The following RAB3IL1 variants were observed in gnomAD, a reference collection of about 807,000 sequenced individuals.
RAB3IL1 encodes guanine nucleotide exchange factor for Rab-3A.
Under a neutral mutation model 49.2 loss-of-function variants are expected in RAB3IL1, and 37 were observed. The observed-to-expected ratio is 0.75, with a 90% confidence interval of 0.58 to 0.99. RAB3IL1 has a LOEUF of 0.99. Among genes scored for constraint, RAB3IL1 ranks in the 50% least tolerant of loss-of-function variants. The pLI is 0.00. For synonymous variants in RAB3IL1, 193 were observed against 213.9 expected (o/e 0.90, Z 0.85); for missense variants, 484 against 513.0 (o/e 0.94, Z 0.55).
rs111459770 is a variant in RAB3IL1 at position 61,904,472 on chromosome 11, C to G, written c.899+74G>C. On this transcript the variant is annotated intron_variant, in intron 7 of 9. Coordinates refer to ENST00000394836, the MANE Select transcript of RAB3IL1 (RefSeq NM_013401.4). The stretch of plus-strand genomic sequence containing the variant: ...TCGGCGCTGCTGCATCCTGACCACC[C>G]CTCGGCACAGTAAACACACGGCTTG... The G allele has an allele frequency of 2.2e-5, 31 of 1,399,174 alleles. 1 individual carries two copies. The African/African-American group carries it at 2.3e-4, about 10-fold the overall frequency. 86.7% of individuals were successfully genotyped at this position (1,399,174 alleles called of 1,614,324 possible).
chr11:61,899,687 G>A (rs1029922979), intron 8 of RAB3IL1: 5 of 365,364 alleles, frequency 1.4e-5, no homozygotes, highest in African/African-American at 4.1e-5. Flanking sequence ...CATCCATCAC[G>A]GAGATGGCGG....
the RAB3IL1 span, among the ~76,000 whole-genome samples, chr11:61,945,134 T>A: frequency 3.3e-5 from 5 of 152,322 alleles, no homozygotes; most frequent in South Asian, 1.0e-3. Flanking sequence ...CCCATTGACC[T>A]GACAGATAGG....
chr11:61,905,371 G>A (rs960868633), intron 5 of RAB3IL1, among the ~76,000 whole-genome samples: 1 of 152,134 alleles, frequency 6.6e-6, no homozygotes, highest in African/African-American at 2.4e-5. Context: ...AAAGTGGGAG[G>A]CCCCTCTTTG....
In RAB3IL1 at chr11:61,906,641, A is replaced by G; in HGVS notation, c.482T>C (p.Val161Ala). 1 of 1,611,382 alleles carries G rather than the reference A, an allele frequency of 6.2e-7. No individual in the cohort carries two copies. The highest frequency in any genetic ancestry group is 8.5e-7 in the Non-Finnish European group (1 of 1,179,198). The change falls in exon 5 of 10, where the codon GTC becomes GCC. Residue 161 changes from valine to alanine, a missense_variant. Coordinates refer to ENST00000394836, the MANE Select transcript of RAB3IL1 (RefSeq NM_013401.4). The surrounding 1 kb of genome is among the most constrained non-coding windows in gnomAD (Gnocchi z 4.6). ...GGGAGAGGCTGGTGTGGACGTGATG[A>G]CCAGCGTCTTCAAGGCTGTCACCTC... Reference protein sequence around the residue: ...QAEVTALKTLVITSTPASPNR... With the variant: ...QAEVTALKTLAITSTPASPNR...
chr11:61,901,660 G>C (rs1938922137), intron 8 of RAB3IL1, among the ~76,000 whole-genome samples: 1 of 152,222 alleles, frequency 6.6e-6, no homozygotes, highest in Non-Finnish European at 1.5e-5. Context: ...CTGTGGCAGG[G>C]GACTGCGGGT....
In RAB3IL1 at chr11:61,906,372, G is replaced by T; in HGVS notation, c.657+94C>A. The T allele has an allele frequency of 8.6e-7, 1 of 1,168,704 alleles. No homozygotes were observed. Among genetic ancestry groups the T allele is most frequent in the Non-Finnish European group, 1.2e-6 (1 of 815,294 alleles). The allele number at this position is 1,168,704 out of a possible 1,614,324, so 72.4% of individuals were successfully genotyped here. On this transcript the variant is annotated intron_variant, in intron 5 of 9. Transcript: ENST00000394836. This position sits in a 1 kb window ranked among gnomAD's most constrained non-coding sequence, Gnocchi z 4.6. ...CGCAGGACAGGCTCCAGGTCACACA[G>T]CATGGGGCAGGCTGGTCCTCACTGG... is the stretch of plus-strand genomic sequence containing the variant.
In RAB3IL1 at chr11:61,906,480, T is replaced by C. The variant is rs1164845095; in HGVS notation, c.643A>G (p.Arg215Gly). Residue 215 changes from arginine (R) to glycine (G), a missense_variant, in exon 5 of 10, where the codon AGA becomes GGA. Coordinates refer to ENST00000394836, the MANE Select transcript of RAB3IL1 (RefSeq NM_013401.4). The surrounding 1 kb of genome is among the most constrained non-coding windows in gnomAD (Gnocchi z 4.6). Reference sequence around the variant, plus strand: ...CCCACCCTCACCTCCTTGCCCTCTCTGTCTGGGGTGAGGGTGTGTCCCGCA... The same window carrying C: ...CCCACCCTCACCTCCTTGCCCTCTCCGTCTGGGGTGAGGGTGTGTCCCGCA... ...PAAGHTLTPDREGKEVDTILF... is the reference protein window; with the variant it reads ...PAAGHTLTPDGEGKEVDTILF... 6.5e-7 allele frequency: 1 copy of C among 1,544,124 alleles called. No homozygotes were observed. Among genetic ancestry groups the C allele is most frequent in the Admixed American group, 2.0e-5 (1 of 51,016 alleles).
chr11:61,918,831 C>T (rs192549945), upstream of RAB3IL1, among the ~76,000 whole-genome samples: 1 of 152,230 alleles, frequency 6.6e-6, no homozygotes, highest in Non-Finnish European at 1.5e-5. Flanking sequence ...CCATAGCATC[C>T]CTTCCAACTT....
chr11:61,898,907 G>A lies in RAB3IL1; in HGVS notation c.1066+407C>T, dbSNP rs1026150999. 1.0e-5 allele frequency: 5 copies of A among 477,852 alleles called. 1 individual carries two copies. The highest frequency in any genetic ancestry group is 3.1e-5 in the South Asian group (2 of 64,748). 29.6% of individuals were successfully genotyped at this position (477,852 alleles called of 1,614,324 possible). A position where few individuals can be genotyped will look rare whatever the true frequency, so the allele number is the denominator to read the frequency against. ...AGCGAGCAAAGGTTGGTGGAGGAGCGGGGAGCCAGGCCTTGCAGAATGGGC... is the reference window on the plus strand; with the variant it reads ...AGCGAGCAAAGGTTGGTGGAGGAGCAGGGAGCCAGGCCTTGCAGAATGGGC... On this transcript the variant is annotated intron_variant, in intron 9 of 9. Transcript: ENST00000394836. This position sits in a 1 kb window ranked among gnomAD's most constrained non-coding sequence, Gnocchi z 5.1.
the RAB3IL1 span, among the ~76,000 whole-genome samples, chr11:61,942,793 C>T: frequency 6.9e-4 from 105 of 152,230 alleles, no homozygotes; most frequent in South Asian, 1.0e-3. Context: ...TAAGAGACTT[C>T]GGAATATTTT....
At chr11:61,921,627 C>G (rs1449932499), upstream of RAB3IL1, among the ~76,000 whole-genome samples, 1 of 152,200 alleles carries the variant, frequency 6.6e-6, no homozygotes, top group Non-Finnish European at 1.5e-5. Flanking sequence ...GTTGGACACT[C>G]CCACAAGAAC....
chr11:61,908,349 T>G, intron 1 of RAB3IL1, 43 bp from the exon 2 acceptor site: 1 of 1,411,386 alleles, frequency 7.1e-7, no homozygotes, highest in Non-Finnish European at 9.2e-7. Context: ...GGTGGGGTCC[T>G]GAGGCCTGGA....
At chr11:61,913,776 T>C (rs1939564083) in intron 1 of RAB3IL1, among the ~76,000 whole-genome samples, 1 of 152,210 alleles carries the variant, frequency 6.6e-6, no homozygotes, top group Non-Finnish European at 1.5e-5. Flanking sequence ...CCATCCAATC[T>C]GCACGACCAG....
the RAB3IL1 span, among the ~76,000 whole-genome samples, chr11:61,929,775 G>A: frequency 7.3e-5 from 11 of 151,480 alleles, no homozygotes; most frequent in Admixed American, 6.6e-5. Flanking sequence ...TAGTAGAGAC[G>A]GGGTTTCACC....
rs1455646709 is a variant in RAB3IL1, at chr11:61,906,485, G to A, written c.638C>T (p.Pro213Leu). 1.3e-6 allele frequency: 2 copies of A among 1,545,148 alleles called. No individual in the cohort carries two copies. Among genetic ancestry groups the A allele is most frequent in the Non-Finnish European group, 1.7e-6 (2 of 1,147,212 alleles). ...CCTCACCTCCTTGCCCTCTCTGTCT[G>A]GGGTGAGGGTGTGTCCCGCAGCGGG... ...VCPAAGHTLT[P>L]DREGKEVDTI... Residue 213 changes from proline to leucine, a missense_variant, in exon 5 of 10, where the codon CCA (proline) becomes CTA (leucine). Physicochemically the swap from Pro to Leu is moderately conservative, Grantham distance 98. Coordinates refer to ENST00000394836, the MANE Select transcript of RAB3IL1 (RefSeq NM_013401.4). This position sits in a 1 kb window ranked among gnomAD's most constrained non-coding sequence, Gnocchi z 4.6.
intron 8 of RAB3IL1, among the ~76,000 whole-genome samples, chr11:61,900,448 G>A (rs1041877892): frequency 3.3e-5 from 5 of 152,226 alleles, no homozygotes; most frequent in East Asian, 1.9e-4. Context: ...GGGGCGGGAC[G>A]GTGGTGGCCT....
chr11:61,916,884 T>C (rs746357718), intron 1 of RAB3IL1, among the ~76,000 whole-genome samples: 1 of 151,796 alleles, frequency 6.6e-6, no homozygotes, highest in African/African-American at 2.4e-5. Flanking sequence ...CCTCCGTACT[T>C]CCAGAGCCCC....
chr11:61,927,752 G>C, the RAB3IL1 span, among the ~76,000 whole-genome samples: 1 of 151,936 alleles, frequency 6.6e-6, no homozygotes, highest in Admixed American at 6.6e-5. Flanking sequence ...TTAAGAGTCT[G>C]TAGCACCTCC....
rs1200115014 is a variant in RAB3IL1, at chr11:61,908,112, A to G, written c.206T>C (p.Met69Thr). 6.2e-7 allele frequency: 1 copy of G among 1,610,064 alleles called. No homozygotes were observed. Among genetic ancestry groups the G allele is most frequent in the Non-Finnish European group, 8.5e-7 (1 of 1,179,352 alleles). The change falls in exon 2 of 10, where the codon ATG becomes ACG. Residue 69 changes from methionine to threonine, a missense_variant. By Grantham distance (81) the Met-to-Thr change is moderately conservative. Transcript: ENST00000394836. ...LDVLRLRSSS[M>T]EIREKGSEFL... ...CTCGGAGCCCTTCTCTCGGATCTCC[A>G]TGGAAGAGCTGCGCAGGCGCAACAC...
Sources: allele counts gnomAD v4.1 joint callset (sites outside exome capture counted in the v4.1 genomes callset), GRCh38; gene constraint gnomAD v4.1.1; non-coding constraint Gnocchi (gnomAD v3.1); transcripts MANE v1.5; gene names NCBI Gene and HGNC (gene_info 2026-07-23, HGNC 2026-07-21).